Variants in CD36 observed in about 807,000 individuals in gnomAD.
The protein encoded by CD36 is CD36 molecule (CD36 blood group), also known as platelet glycoprotein 4.
In CD36, 119 loss-of-function variants were observed where a neutral mutation model predicts 55.2. The ratio of observed to expected loss-of-function variants is 2.15; its 90% CI spans 1.86 to 2.51. The LOEUF is 2.51. CD36 is among the 30% of genes most tolerant of loss of function. CD36 has a pLI of 0.00. For synonymous variants in CD36, 186 were observed against 193.6 expected, an observed-to-expected ratio of 0.96 and a Z score of 0.33; for missense variants, 819 against 555.5, an observed-to-expected ratio of 1.47 and a Z score of -4.77.
At chr7:80,663,432 T>A (rs3211902) in intron 6 of CD36, among the ~76,000 whole-genome samples, 1,918 of 152,234 alleles carry the variant, frequency 0.013, 46 homozygotes, top group African/African-American at 0.044. Flanking sequence ...CAATTTTTTT[T>A]AAATTAGCCG....
Position 80,666,482 on chromosome 7 carries a change from T to A in CD36, c.741T>A (p.Asn247Lys). Residue 247 changes from asparagine (N) to lysine (K), a missense_variant, in exon 8 of 15, where the codon AAT (asparagine) becomes AAA (lysine). Coordinates refer to ENST00000447544, the MANE Select transcript of CD36 (RefSeq NM_001001548.3). ...GGGAAAGTCACTGCGACATGATTAATGGTACAGGTAAGAATATTTGTTTTG... is the reference window on the plus strand; with the variant it reads ...GGGAAAGTCACTGCGACATGATTAAAGGTACAGGTAAGAATATTTGTTTTG... ...SYWESHCDMINGTDAASFPPF... is the reference protein window; with the variant it reads ...SYWESHCDMIKGTDAASFPPF... The A allele has an allele frequency of 6.2e-7, 1 of 1,607,132 alleles. No homozygotes were observed. Among genetic ancestry groups the A allele is most frequent in the Admixed American group, 1.7e-5 (1 of 60,008 alleles).
chr7:80,661,962 G>A (rs1217624834), intron 5 of CD36, among the ~76,000 whole-genome samples: 1 of 152,128 alleles, frequency 6.6e-6, no homozygotes, highest in Non-Finnish European at 1.5e-5. Context: ...AGGGCATTTG[G>A]TGCTCACCAT....
rs763794481 is a variant in CD36 at position 80,669,942 on chromosome 7, T to G, written c.749-11T>G. 9.3e-6 allele frequency: 15 copies of G among 1,605,076 alleles called. No individual in the cohort carries two copies. The highest frequency in any genetic ancestry group is 1.7e-5 in the Admixed American group (1 of 59,988). ...TTACATCTAATCATTTGCCACTCGA[T>G]TTTTAAACAGATGCAGCCTCATTTC... On this transcript the variant is annotated splice_polypyrimidine_tract_variant and intron_variant, in intron 8 of 14. Transcript: ENST00000447544.
chr7:80,602,765 A>G (rs1052508848), intron 1 of CD36, among the ~76,000 whole-genome samples: 4 of 152,114 alleles, frequency 2.6e-5, no homozygotes, highest in African/African-American at 9.7e-5. Flanking sequence ...TAGGTTTTTA[A>G]GATTAATCTT....
In CD36 at chr7:80,666,451, C is replaced by A; in HGVS notation, c.710C>A (p.Ser237Tyr). The A allele has an allele frequency of 6.2e-7, 1 of 1,601,720 alleles. No homozygotes were observed. Among genetic ancestry groups the A allele is most frequent in the South Asian group, 1.1e-5 (1 of 90,808 alleles). Residue 237 changes from serine to tyrosine, a missense_variant, in exon 8 of 15, where the codon TCC becomes TAC. Transcript: ENST00000447544. The part of the protein sequence containing the change: ...IDTYKGKRNL[S>Y]YWESHCDMIN... ...TCTTTTTCTATTCCTAGGAATCTGT[C>A]CTATTGGGAAAGTCACTGCGACATG... is the stretch of plus-strand genomic sequence containing the variant.
intron 1 of CD36, among the ~76,000 whole-genome samples, chr7:80,626,504 C>G (rs1399355667): frequency 2.6e-5 from 4 of 151,964 alleles, no homozygotes; most frequent in Non-Finnish European, 5.9e-5. Context: ...CTAGTACAGT[C>G]TATTATCTAT....
At chr7:80,660,047 AT>A (rs1292324018) in intron 4 of CD36, among the ~76,000 whole-genome samples, 1 of 152,116 alleles carries the variant, frequency 6.6e-6, no homozygotes, top group African/African-American at 2.4e-5. Flanking sequence ...TTTTATTATA[AT>A]GGAATAAAAT....
At chr7:80,633,059 G>A (rs980005405) in intron 1 of CD36, 5 of 151,714 alleles carry the variant, frequency 3.3e-5, no homozygotes, top group Non-Finnish European at 1.5e-5. Context: ...TTATTCTTTT[G>A]CCTAAATGTT....
chr7:80,671,084 A>G lies in CD36; in HGVS notation c.926A>G (p.Asn309Ser), dbSNP rs137882740. 6 of 1,612,642 alleles carry G rather than the reference A, an allele frequency of 3.7e-6. No individual in the cohort carries two copies. The highest frequency in any genetic ancestry group is 3.4e-6 in the Non-Finnish European group (4 of 1,178,974). The change falls in exon 10 of 15, where the codon AAC becomes AGC. Residue 309 changes from asparagine (N) to serine (S), a missense_variant. By Grantham distance (46) the Asn-to-Ser change is conservative. Transcript: ENST00000447544. ...GCCTCTCCAGTTGAAAACCCAGACAACTATTGTTTCTGCACAGAAAAAATT... is the reference window on the plus strand; with the variant it reads ...GCCTCTCCAGTTGAAAACCCAGACAGCTATTGTTTCTGCACAGAAAAAATT... The part of the protein sequence containing the change: ...AFASPVENPD[N>S]YCFCTEKIIS...
chr7:80,647,068 C>T, intron 3 of CD36: 1 of 516,380 alleles, frequency 1.9e-6, no homozygotes, highest in Admixed American at 3.1e-5. Flanking sequence ...GACTCCATTG[C>T]TGTCTTAAAT....
intron 1 of CD36, among the ~76,000 whole-genome samples, chr7:80,628,855 A>G (rs1290730433): frequency 6.6e-6 from 1 of 152,020 alleles, no homozygotes; most frequent in African/African-American, 2.4e-5. Context: ...ACACAGGACA[A>G]CTCAAAGTTG....
intron 12 of CD36, 57 bp downstream of exon 12, chr7:80,672,900 TGTAAGAACATGAGTAAATCTATGTAA>T (rs1309387684): frequency 1.4e-5 from 15 of 1,085,820 alleles, no homozygotes; most frequent in Non-Finnish European, 2.1e-5. Flanking sequence ...AGTATCTTCT[TGTAAGAACATGAGTAAATCTATGTAA>T]GTAAGTGGAA....
At chr7:80,620,575 A>G (rs757356740) in intron 1 of CD36, among the ~76,000 whole-genome samples, 7 of 152,118 alleles carry the variant, frequency 4.6e-5, no homozygotes, top group Non-Finnish European at 8.8e-5. Flanking sequence ...AAGCTCACCA[A>G]ACCCAGTCCT....
At chr7:80,667,918 T>G (rs1317854640) in intron 8 of CD36, among the ~76,000 whole-genome samples, 2 of 151,674 alleles carry the variant, frequency 1.3e-5, no homozygotes, top group Admixed American at 6.6e-5. Flanking sequence ...ACCCAGCTAA[T>G]TTTTGTATTT....
chr7:80,672,339 G>A (rs1208063696), intron 11 of CD36, among the ~76,000 whole-genome samples: 1 of 151,690 alleles, frequency 6.6e-6, no homozygotes, highest in African/African-American at 2.4e-5. Flanking sequence ...TAAAATTGTT[G>A]TAGCGCAACA....
chr7:80,675,144 C>A (rs1419089696), intron 14 of CD36, among the ~76,000 whole-genome samples: 1 of 152,104 alleles, frequency 6.6e-6, no homozygotes, highest in Non-Finnish European at 1.5e-5. Context: ...ACTATTTAGT[C>A]ACCAAAAAGA....
intron 1 of CD36, among the ~76,000 whole-genome samples, chr7:80,617,463 A>G (rs1793229928): frequency 6.6e-6 from 1 of 152,166 alleles, no homozygotes; most frequent in South Asian, 2.1e-4. Flanking sequence ...ACGGTGGCTC[A>G]CACCTGTAAT....
rs1798009641 is a variant in CD36 at position 80,674,048 on chromosome 7, C to CCTTGGCCTGATAG, written c.1321_1333dup (p.Glu445AlafsTer113). The CCTTGGCCTGATAG allele has an allele frequency of 6.2e-7, 1 of 1,611,774 alleles. No homozygotes were observed. Among genetic ancestry groups the CCTTGGCCTGATAG allele is most frequent in the Non-Finnish European group, 8.5e-7 (1 of 1,178,570 alleles). On this transcript the variant is annotated frameshift_variant, in exon 14 of 15. Coordinates refer to ENST00000447544, the MANE Select transcript of CD36 (RefSeq NM_001001548.3). LOFTEE classifies it high-confidence loss of function. The stretch of plus-strand genomic sequence containing the variant: ...GTCAAGTAACTGGAAAAATAAACCT[C>CCTTGGCCTGATAG]CTTGGCCTGATAGAAATGATCTTAC...
chr7:80,678,043 TA>T lies in CD36; in HGVS notation c.*1662del, dbSNP rs1325794840. 6.6e-6 allele frequency: 1 copy of T among 151,938 alleles called. No individual in the cohort carries two copies. Among genetic ancestry groups the T allele is most frequent in the African/African-American group, 2.4e-5 (1 of 41,430 alleles). 9.4% of individuals were successfully genotyped at this position (151,938 alleles called of 1,614,324 possible). ...ATATGCAGTAGGAAAAATAATTACT[TA>T]AGGGGAGATTTTTTTTACATGAAAT... On this transcript the variant is annotated 3_prime_UTR_variant, in exon 15 of 15. Transcript: ENST00000447544.
Sources: allele counts gnomAD v4.1 joint callset (sites outside exome capture counted in the v4.1 genomes callset), GRCh38; gene constraint gnomAD v4.1.1; transcripts MANE v1.5; gene names NCBI Gene and HGNC (gene_info 2026-07-23, HGNC 2026-07-21).